The following DPF3 variants were observed in gnomAD, a reference collection of about 807,000 sequenced individuals.
The protein encoded by DPF3 is zinc finger protein DPF3.
DPF3 carries 18 observed loss-of-function variants against 56.8 expected under a neutral mutation model. The ratio of observed to expected loss-of-function variants is 0.32; its 90% CI spans 0.22 to 0.47. DPF3 has a LOEUF of 0.47. DPF3 is among the 20% of genes least tolerant of loss of function. The pLI is 1.00. For missense variants in DPF3, 403 were observed against 488.8 expected (o/e 0.82, Z 1.65); for synonymous variants, 188 against 180.2 (o/e 1.04, Z -0.35).
At chr14:72,684,547 G>A (rs1161770671) in intron 7 of DPF3, among the ~76,000 whole-genome samples, 2 of 151,714 alleles carry the variant, frequency 1.3e-5, no homozygotes, top group African/African-American at 4.8e-5. Context: ...AAAAAAATGA[G>A]AGCCAGGAAA....
At chr14:72,828,537 TAAA>T (rs3058950) in intron 1 of DPF3, among the ~76,000 whole-genome samples, 11 of 86,988 alleles carry the variant, frequency 1.3e-4, no homozygotes, top group Non-Finnish European at 2.2e-5. Context: ...GACCATGTCT[TAAA>T]AAAAAAAAAA....
intron 1 of DPF3, among the ~76,000 whole-genome samples, chr14:72,838,909 T>TATATATA (rs1491369142): frequency 2.6e-4 from 2 of 7,650 alleles, no homozygotes; most frequent in East Asian, 3.4e-3. Flanking sequence ...ATATATATTC[T>TATATATA]TTTTTTTTTT....
chr14:72,892,055 T>C, intron 1 of DPF3: 9 of 1,359,714 alleles, frequency 6.6e-6, no homozygotes, highest in Non-Finnish European at 8.6e-6. Flanking sequence ...CTGGAGCGAG[T>C]AGGGGAACAC....
At chr14:72,743,173 C>T (rs911769145) in intron 3 of DPF3, among the ~76,000 whole-genome samples, 1 of 152,196 alleles carries the variant, frequency 6.6e-6, no homozygotes, top group Non-Finnish European at 1.5e-5. Context: ...TCCCATCACC[C>T]TCGGAATTCG....
chr14:72,664,153 G>A lies in DPF3; in HGVS notation c.871+10087C>T, dbSNP rs570178705. 4.6e-5 allele frequency among the ~76,000 whole-genome samples: 7 copies of A among 152,034 alleles called. No homozygotes were observed. The East Asian group carries it at 1.4e-3, about 29-fold the overall frequency. On this transcript the variant is annotated intron_variant, in intron 8 of 10. Coordinates refer to ENST00000556509, the MANE Select transcript of DPF3 (RefSeq NM_001280542.3). Reference sequence around the variant, plus strand: ...CCTTTCCTGGGACCTCCCACAGAACGCCTGCCGATTGTTCTCTCCATGGGC... The same window carrying A: ...CCTTTCCTGGGACCTCCCACAGAACACCTGCCGATTGTTCTCTCCATGGGC...
At chr14:72,627,243 G>T (rs1297266808) in intron 9 of DPF3, among the ~76,000 whole-genome samples, 1 of 151,996 alleles carries the variant, frequency 6.6e-6, no homozygotes, top group African/African-American at 2.4e-5. Context: ...GATTAAAGAG[G>T]AATTTACTTG....
chr14:72,804,444 A>G (rs144338032), intron 1 of DPF3, among the ~76,000 whole-genome samples: 40 of 152,286 alleles, frequency 2.6e-4, no homozygotes, highest in African/African-American at 9.6e-4. Flanking sequence ...AAACAACAAC[A>G]ATCCACAAAA....
At chr14:72,829,938 G>T (rs1401603362) in intron 1 of DPF3, among the ~76,000 whole-genome samples, 3 of 152,096 alleles carry the variant, frequency 2.0e-5, no homozygotes, top group Admixed American at 6.6e-5. Context: ...TAGAGATGGG[G>T]TTTCACCATG....
intron 1 of DPF3, among the ~76,000 whole-genome samples, chr14:72,777,059 A>C (rs1174905990): frequency 6.6e-6 from 1 of 152,080 alleles, no homozygotes; most frequent in Non-Finnish European, 1.5e-5. Context: ...CATCACTACT[A>C]TCTGTGCACA....
chr14:72,795,063 C>T (rs1892580492), intron 1 of DPF3, among the ~76,000 whole-genome samples: 1 of 152,030 alleles, frequency 6.6e-6, no homozygotes, highest in Non-Finnish European at 1.5e-5. Context: ...ATCACACCTG[C>T]AAAATCCCTC....
intron 6 of DPF3, 115 bp downstream of exon 6, chr14:72,714,308 G>T: frequency 7.6e-7 from 1 of 1,310,488 alleles, no homozygotes; most frequent in Non-Finnish European, 1.1e-6. Flanking sequence ...GCAGACAGAG[G>T]AAGAGGAGAG....
intron 1 of DPF3, chr14:72,892,062 A>G: frequency 6.9e-7 from 1 of 1,447,896 alleles, no homozygotes; most frequent in African/African-American, 1.4e-5. Flanking sequence ...GAGTAGGGGA[A>G]CACAAGCTTA....
chr14:72,884,940 CTATATATATATATATATATATATA>C (rs773450437), intron 1 of DPF3, among the ~76,000 whole-genome samples: 2 of 29,620 alleles, frequency 6.8e-5, no homozygotes, highest in East Asian at 4.7e-3. Flanking sequence ...ACTAAAAATA[CTATATATATATATATATATATATA>C]TATATATTAG....
At chr14:72,893,719 T>C (rs1886869925) in intron 1 of DPF3, among the ~76,000 whole-genome samples, 1 of 149,834 alleles carries the variant, frequency 6.7e-6, no homozygotes, top group African/African-American at 2.4e-5. Context: ...GGCGGGGGAC[T>C]CCGGGGACCG....
At chr14:72,698,180 T>C (rs1887992984) in intron 6 of DPF3, among the ~76,000 whole-genome samples, 1 of 152,236 alleles carries the variant, frequency 6.6e-6, no homozygotes, top group African/African-American at 2.4e-5. Flanking sequence ...GTCCGCAATT[T>C]ACAATGCTTT....
intron 1 of DPF3, among the ~76,000 whole-genome samples, chr14:72,871,702 G>A (rs940863869): frequency 1.3e-5 from 2 of 152,174 alleles, no homozygotes; most frequent in African/African-American, 4.8e-5. Flanking sequence ...GGGAGGGTGA[G>A]GCAGGCCCTA....
Position 72,618,379 on chromosome 14 carries a change from C to A in DPF3, c.*918G>T, listed in dbSNP as rs976239832. On this transcript the variant is annotated 3_prime_UTR_variant, in exon 11 of 11. Coordinates refer to ENST00000556509, the MANE Select transcript of DPF3 (RefSeq NM_001280542.3). ...CGGACACATGATTGGGCAGCCTTCG[C>A]TCCCCTTCCTGGTTCTTCAGTCCCA... Among the ~76,000 whole-genome samples the A allele has an allele frequency of 3.3e-5, 5 of 152,232 alleles. No individual in the cohort carries two copies. Among genetic ancestry groups the A allele is most frequent in the African/African-American group, 4.8e-5 (2 of 41,452 alleles).
rs59956156 is a variant in DPF3, at chr14:72,827,042, C to CA, written c.33-55150dup. Among the ~76,000 whole-genome samples, 66 of 137,858 alleles carry CA rather than the reference C, an allele frequency of 4.8e-4. 1 individual carries two copies. Among genetic ancestry groups the CA allele is most frequent in the Admixed American group, 3.8e-3 (53 of 13,892 alleles). 90.4% of individuals were successfully genotyped at this position (137,858 alleles called of 152,430 possible). On this transcript the variant is annotated intron_variant, in intron 1 of 10. Coordinates refer to ENST00000556509, the MANE Select transcript of DPF3 (RefSeq NM_001280542.3). The stretch of plus-strand genomic sequence containing the variant: ...GGGCAACAAGAGCGAAACTCCATCT[C>CA]AAAAAAAAAAAAAAAAGACACATTC...
chr14:72,641,971 T>C (rs1885577264), intron 8 of DPF3, among the ~76,000 whole-genome samples: 1 of 152,222 alleles, frequency 6.6e-6, no homozygotes. Flanking sequence ...GTGAGCTGCC[T>C]CATGGAAAGG....
Sources: gnomAD v4.1 joint callset for allele counts (sites outside exome capture counted in the v4.1 genomes callset) on GRCh38, gnomAD v4.1.1 for gene constraint, MANE v1.5 for transcripts, NCBI Gene and HGNC (gene_info 2026-07-23, HGNC 2026-07-21) for gene names.